The following NOL10 variants were observed in gnomAD, a reference collection of about 807,000 sequenced individuals.
NOL10 encodes H_NH0074G24.1.
In NOL10, 58 loss-of-function variants were observed where a neutral mutation model predicts 103.5. That is an observed-to-expected ratio of 0.56 (90% CI 0.45 to 0.70). The LOEUF (loss-of-function observed/expected upper bound fraction) is 0.70. Ranked by LOEUF, NOL10 falls within the 30% of genes least tolerant of loss-of-function variation. The probability of loss-of-function intolerance (pLI) is 0.00; values close to 1 mark genes in which losing one functional copy is unlikely to be tolerated. For synonymous variants in NOL10, 287 were observed against 282.5 expected (o/e 1.02, Z -0.16); for missense variants, 763 against 807.3 (o/e 0.95, Z 0.67).
chr2:10,580,277 T>C (rs992043799), intron 19 of NOL10, among the ~76,000 whole-genome samples: 5 of 152,226 alleles, frequency 3.3e-5, no homozygotes, highest in African/African-American at 1.2e-4. Flanking sequence ...CCACACTGCA[T>C]GCGCTTCTCA....
rs111796607 is a variant in NOL10, at chr2:10,689,814, G to A, written c.48C>T (p.Cys16=). The change falls in exon 1 of 21, where the codon TGC becomes TGT. Residue 16 remains cysteine, a synonymous_variant. Transcript: ENST00000381685. Reference sequence around the variant, plus strand: ...GACTCACCTCAGGAAGGGACTTGCCGCAGCTGAGGCTGTAAATCTTCACCT... The same window carrying A: ...GACTCACCTCAGGAAGGGACTTGCCACAGCTGAGGCTGTAAATCTTCACCT... ...LNEVKIYSLS[C]GKSLPEWLSD... 1.9e-6 allele frequency: 3 copies of A among 1,606,372 alleles called. No homozygotes were observed. The highest frequency in any genetic ancestry group is 2.5e-6 in the Non-Finnish European group (3 of 1,176,574).
chr2:10,675,899 C>A (rs368716500), intron 3 of NOL10, 28 bp from the exon 4 acceptor site: 17 of 1,265,978 alleles, frequency 1.3e-5, no homozygotes, highest in Non-Finnish European at 1.8e-5. Context: ...GATGTAAAAC[C>A]TAAAGACATA....
chr2:10,670,709 T>C (rs771938967), intron 6 of NOL10, among the ~76,000 whole-genome samples: 2 of 152,106 alleles, frequency 1.3e-5, no homozygotes, highest in Non-Finnish European at 2.9e-5. Context: ...CACTGCAGCC[T>C]GGGTGACAGT....
At chr2:10,593,135 TTTTTTTTC>T (rs1476970514) in intron 17 of NOL10, among the ~76,000 whole-genome samples, 10 of 151,806 alleles carry the variant, frequency 6.6e-5, no homozygotes, top group African/African-American at 2.4e-4. Context: ...ATTAGTTTTT[TTTTTTTTC>T]TTTTTTTTCT....
intron 17 of NOL10, among the ~76,000 whole-genome samples, chr2:10,598,580 G>A (rs1032735534): frequency 6.6e-6 from 1 of 152,176 alleles, no homozygotes; most frequent in Non-Finnish European, 1.5e-5. Flanking sequence ...GAAGAAAAGT[G>A]TCCCAGTGGA....
chr2:10,572,253 A>G (rs1030102126), intron 20 of NOL10, 63 bp from the exon 21 acceptor site: 2 of 1,568,412 alleles, frequency 1.3e-6, no homozygotes, highest in South Asian at 2.2e-5. Context: ...TTTTCTGGTA[A>G]CCGTCAGGCT....
chr2:10,644,158 G>A (rs1329815281), intron 13 of NOL10, among the ~76,000 whole-genome samples, 162 bp downstream of exon 13: 1 of 152,178 alleles, frequency 6.6e-6, no homozygotes, highest in Non-Finnish European at 1.5e-5. Context: ...TGAGGTAGGA[G>A]AATCACTTGA....
intron 14 of NOL10, among the ~76,000 whole-genome samples, chr2:10,604,033 C>T (rs4629131): frequency 0.59 from 90,001 of 152,058 alleles, 27,648 homozygotes; most frequent in African/African-American, 0.74. Flanking sequence ...AACTATTCCA[C>T]CTCAGATCAT....
At chr2:10,586,782 TAAC>T (rs1243323522) in intron 19 of NOL10, among the ~76,000 whole-genome samples, 5 of 152,140 alleles carry the variant, frequency 3.3e-5, no homozygotes, top group African/African-American at 1.2e-4. Context: ...ATTTTCTTAA[TAAC>T]ATTTGCTTTT....
chr2:10,689,247 T>C (rs1268633648), intron 1 of NOL10, among the ~76,000 whole-genome samples: 3 of 152,176 alleles, frequency 2.0e-5, no homozygotes, highest in African/African-American at 4.8e-5. Flanking sequence ...TGGAAGAGAA[T>C]TACCGACTTG....
chr2:10,609,388 C>T (rs1572282393), intron 13 of NOL10, among the ~76,000 whole-genome samples: 1 of 146,078 alleles, frequency 6.8e-6, no homozygotes, highest in South Asian at 2.1e-4. Flanking sequence ...GAGATTGAGA[C>T]CATCCTGGCT....
At chr2:10,677,871 G>GTGTATATA (rs201387297) in intron 3 of NOL10, among the ~76,000 whole-genome samples, 21 of 145,898 alleles carry the variant, frequency 1.4e-4, no homozygotes, top group African/African-American at 5.4e-4. Context: ...GTGTGTGTGT[G>GTGTATATA]TATACACATA....
chr2:10,649,149 T>C (rs1348875466), intron 12 of NOL10, among the ~76,000 whole-genome samples: 1 of 152,068 alleles, frequency 6.6e-6, no homozygotes, highest in Non-Finnish European at 1.5e-5. Flanking sequence ...AGTGCCACCA[T>C]GTCTGCAGCT....
intron 12 of NOL10, among the ~76,000 whole-genome samples, chr2:10,645,886 CTG>C (rs1679033519): frequency 4.0e-5 from 6 of 151,808 alleles, no homozygotes; most frequent in Admixed American, 3.3e-4. Context: ...TGAGCTAGCC[CTG>C]AACTGGGACC....
At chr2:10,664,113 C>T (rs905026855) in intron 8 of NOL10, among the ~76,000 whole-genome samples, 19 of 149,286 alleles carry the variant, frequency 1.3e-4, no homozygotes, top group Middle Eastern at 3.6e-3. Context: ...AGAGAGACTC[C>T]GTCTAAAAAA....
At chr2:10,636,626 A>C (rs981133967) in intron 13 of NOL10, among the ~76,000 whole-genome samples, 1 of 146,826 alleles carries the variant, frequency 6.8e-6, no homozygotes, top group Non-Finnish European at 1.5e-5. Context: ...AAAAAAAAAA[A>C]GTATCTTCTT....
At chr2:10,678,211 G>C (rs1681466646) in intron 3 of NOL10, among the ~76,000 whole-genome samples, 1 of 135,936 alleles carries the variant, frequency 7.4e-6, no homozygotes, top group African/African-American at 3.0e-5. Context: ...ACCACTTTCA[G>C]CTAATTTTTT....
At chr2:10,609,674 C>T (rs114146045) in intron 13 of NOL10, among the ~76,000 whole-genome samples, 5,633 of 152,184 alleles carry the variant, frequency 0.037, 207 homozygotes, top group African/African-American at 0.093. Flanking sequence ...CTTCTGAAGC[C>T]GAGAGAGTTG....
At chr2:10,609,431 C>CAAAAAA (rs60104799) in intron 13 of NOL10, among the ~76,000 whole-genome samples, 1 of 111,584 alleles carries the variant, frequency 9.0e-6, no homozygotes, top group African/African-American at 3.7e-5. Flanking sequence ...ACTAAAAATA[C>CAAAAAA]AAAAAAAAAA....
Sources: gnomAD v4.1 joint callset for allele counts (sites outside exome capture counted in the v4.1 genomes callset) on GRCh38, gnomAD v4.1.1 for gene constraint, MANE v1.5 for transcripts, NCBI Gene and HGNC (gene_info 2026-07-23, HGNC 2026-07-21) for gene names.